MICAL1: variants seen among roughly 807,000 people sequenced by gnomAD.
The protein encoded by MICAL1 is [F-actin]-monooxygenase MICAL1.
A neutral mutation model predicts 131.8 loss-of-function variants in MICAL1; 95 were observed. The observed-to-expected ratio is 0.72, with a 90% CI of 0.61 to 0.86. The LOEUF is 0.86. Ranked by LOEUF, MICAL1 falls within the 40% of genes least tolerant of loss-of-function variation. The probability of loss-of-function intolerance (pLI) is 0.00; values close to 1 mark genes in which losing one functional copy is unlikely to be tolerated. For synonymous variants in MICAL1, 546 were observed against 554.2 expected (o/e 0.99, Z 0.21); for missense variants, 1,292 against 1,380.6 (o/e 0.94, Z 1.02).
intron 6 of MICAL1, chr6:109,452,033 C>CT: frequency 7.1e-7 from 1 of 1,409,362 alleles, no homozygotes; most frequent in Non-Finnish European, 9.2e-7. Context: ...AGGTTCATCT[C>CT]TGAGAGATTC....
intron 1 of MICAL1, chr6:109,462,693 A>G (rs1489848124): frequency 6.6e-6 from 1 of 152,240 alleles, no homozygotes; most frequent in East Asian, 1.9e-4. Context: ...TTCAAGAAGC[A>G]CTGGGCAAGC....
rs1190068261 is a variant in MICAL1, at chr6:109,445,846, C to T, written c.2598G>A (p.Glu866=). 1 of 1,605,822 alleles carries T rather than the reference C, an allele frequency of 6.2e-7. No individual in the cohort carries two copies. The highest frequency in any genetic ancestry group is 8.5e-7 in the Non-Finnish European group (1 of 1,175,970). ...VQSPQALVAM[E]KEEKESPFSS... The stretch of plus-strand genomic sequence containing the variant: ...AGAAGGGACTCTCTTTTTCCTCCTT[C>T]TCCATGGCCACAAGAGCTGAGAAGA... Residue 866 remains glutamate, a synonymous_variant, in exon 20 of 25, where the codon GAG becomes GAA. Coordinates refer to ENST00000358807, the MANE Select transcript of MICAL1 (RefSeq NM_022765.4).
rs1775245493 is a variant in MICAL1, at chr6:109,446,772, C to A, written c.2228G>T (p.Gly743Val). The A allele has an allele frequency of 6.2e-7, 1 of 1,613,068 alleles. No individual in the cohort carries two copies. The highest frequency in any genetic ancestry group is 1.1e-5 in the South Asian group (1 of 90,828). ...CAGGTGCTGGAGGCAGTAGAAATGT[C>A]CTGGAAAGGGTAGAGAGGGGAGGAG... ...PGGYEQHPGD[G>V]HFYCLQHLPQ... is the part of the protein sequence containing the mutation. The change falls in exon 18 of 25, where the codon GGA becomes GTA. Residue 743 changes from glycine to valine, a missense_variant and splice_region_variant. Transcript: ENST00000358807.
rs200968445 is a variant in MICAL1, at chr6:109,449,438, C to A, written c.1478G>T (p.Arg493Met). The change falls in exon 11 of 25, where the codon AGG (arginine) becomes ATG (methionine). Residue 493 changes from arginine to methionine, a missense_variant. Coordinates refer to ENST00000358807, the MANE Select transcript of MICAL1 (RefSeq NM_022765.4). ...CCCTGTATCTGTCTTGTCGTTGTTC[C>A]TCTGCACAGGCTCCTTGGCTAGCAC... is the stretch of plus-strand genomic sequence containing the variant. ...YDVLAKEPVQRNNDKTDTGMP... is the reference protein window; with the variant it reads ...YDVLAKEPVQMNNDKTDTGMP... The A allele has an allele frequency of 6.2e-7, 1 of 1,614,228 alleles. No homozygotes were observed. The highest frequency in any genetic ancestry group is 1.1e-5 in the South Asian group (1 of 91,090).
chr6:109,447,936 G>A lies in MICAL1; in HGVS notation c.1883C>T (p.Thr628Ile). Residue 628 changes from threonine (T) to isoleucine (I), a missense_variant, in exon 14 of 25, where the codon ACC becomes ATC. Coordinates refer to ENST00000358807, the MANE Select transcript of MICAL1 (RefSeq NM_022765.4). ...PGPVSQASPGTSSAVLFLSKL... is the reference protein window; with the variant it reads ...PGPVSQASPGISSAVLFLSKL... ...ACTAAGGAATAATACAGCACTGGAG[G>A]TCCCTGGGGAGGCCTGGCTGACAGG... 6.2e-7 allele frequency: 1 copy of A among 1,612,456 alleles called. No individual in the cohort carries two copies. The highest frequency in any genetic ancestry group is 8.5e-7 in the Non-Finnish European group (1 of 1,179,146).
Position 109,446,291 on chromosome 6 carries a change from G to A in MICAL1, c.2426C>T (p.Ser809Phe). 1 of 1,614,166 alleles carries A rather than the reference G, an allele frequency of 6.2e-7. No individual in the cohort carries two copies. Among genetic ancestry groups the A allele is most frequent in the Non-Finnish European group, 8.5e-7 (1 of 1,180,028 alleles). ...GGACAACCGCTGGCGCTCCGGGCTG[G>A]AGAGGCGGATCTGCCGACGGGTGGG... ...SQPTRRQIRL[S>F]SPERQRLSSL... Residue 809 changes from serine to phenylalanine, a missense_variant, in exon 19 of 25, where the codon TCC becomes TTC. Ser to Phe is a radical substitution (Grantham distance 155). Coordinates refer to ENST00000358807, the MANE Select transcript of MICAL1 (RefSeq NM_022765.4).
At chr6:109,444,864 A>G (rs768901645) in intron 23 of MICAL1, 32 bp downstream of exon 23, 11 of 1,613,674 alleles carry the variant, frequency 6.8e-6, no homozygotes, top group Non-Finnish European at 9.3e-6. Context: ...AGCCTGGCCC[A>G]TGGGCCACTG....
At chr6:109,457,271 A>T (rs985502979), upstream of MICAL1, among the ~76,000 whole-genome samples, 1 of 152,194 alleles carries the variant, frequency 6.6e-6, no homozygotes. Flanking sequence ...GGCCCATCCT[A>T]GCTTTTGAGT....
intron 1 of MICAL1, chr6:109,465,372 A>G: frequency 1.1e-5 from 5 of 453,266 alleles, no homozygotes; most frequent in Non-Finnish European, 2.0e-5. Context: ...GTGATCTGTC[A>G]TATTTAGCCC....
upstream of MICAL1, among the ~76,000 whole-genome samples, chr6:109,457,273 CT>C (rs1372660748): frequency 6.6e-6 from 1 of 152,150 alleles, no homozygotes; most frequent in Non-Finnish European, 1.5e-5. Flanking sequence ...CCCATCCTAG[CT>C]TTTGAGTGTG....
In MICAL1 at chr6:109,445,798, ATCT is replaced by A. The variant is rs541748030; in HGVS notation, c.2643_2645del (p.Glu881del). 1.2e-4 allele frequency: 189 copies of A among 1,611,776 alleles called. No individual in the cohort carries two copies. The East Asian group carries it at 1.2e-3, about 10-fold the overall frequency. ...GTTCCACATCTGAGTCCAAAGGCAC[ATCT>A]TCTTCTTCCTCTTCACTGGAGAAGG... On this transcript the variant is annotated inframe_deletion, in exon 20 of 25. Coordinates refer to ENST00000358807, the MANE Select transcript of MICAL1 (RefSeq NM_022765.4).
Position 109,451,595 on chromosome 6 carries a change from C to T in MICAL1, c.933+5G>A, listed in dbSNP as rs774718279. 5 of 1,613,548 alleles carry T rather than the reference C, an allele frequency of 3.1e-6. No individual in the cohort carries two copies. Among genetic ancestry groups the T allele is most frequent in the Non-Finnish European group, 4.2e-6 (5 of 1,179,916 alleles). On this transcript the variant is annotated splice_donor_5th_base_variant and intron_variant, in intron 7 of 24. Transcript: ENST00000358807. ...CAGCCTCTCCTGGCCAGGACTGGGCCTCACCTGGCGCAGCACCCCCAGCCG... is the reference window on the plus strand; with the variant it reads ...CAGCCTCTCCTGGCCAGGACTGGGCTTCACCTGGCGCAGCACCCCCAGCCG...
At chr6:109,446,566 C>A in intron 18 of MICAL1, 130 bp downstream of exon 18, 1 of 1,340,624 alleles carries the variant, frequency 7.5e-7, no homozygotes, top group Non-Finnish European at 1.1e-6. Context: ...AGCAGACAGG[C>A]ATCCCTGCCT....
chr6:109,446,484 A>G (rs1484876444), intron 18 of MICAL1, 72 bp from the exon 19 acceptor site: 3 of 1,523,466 alleles, frequency 2.0e-6, no homozygotes, highest in Admixed American at 3.4e-5. Context: ...GAGCCTTGGC[A>G]TTCATTCACT....
At chr6:109,450,107 A>G in intron 8 of MICAL1, 22 bp from the exon 9 acceptor site, 1 of 1,608,998 alleles carries the variant, frequency 6.2e-7, no homozygotes, top group Non-Finnish European at 8.5e-7. Flanking sequence ...GAGGAATAGG[A>G]AGCAGCTCAG....
In MICAL1 at chr6:109,447,927, G is replaced by A; in HGVS notation, c.1892C>T (p.Ala631Val). ...CTGAAGTTTACTAAGGAATAATACAGCACTGGAGGTCCCTGGGGAGGCCTG... is the reference window on the plus strand; with the variant it reads ...CTGAAGTTTACTAAGGAATAATACAACACTGGAGGTCCCTGGGGAGGCCTG... The part of the protein sequence containing the change: ...VSQASPGTSS[A>V]VLFLSKLQRT... The change falls in exon 14 of 25, where the codon GCT becomes GTT. Residue 631 changes from alanine to valine, a missense_variant. By Grantham distance (64) the Ala-to-Val change is moderately conservative. Coordinates refer to ENST00000358807, the MANE Select transcript of MICAL1 (RefSeq NM_022765.4). 6.2e-7 allele frequency: 1 copy of A among 1,612,954 alleles called. No homozygotes were observed. The highest frequency in any genetic ancestry group is 8.5e-7 in the Non-Finnish European group (1 of 1,179,400).
rs1246943333 is a variant in MICAL1, at chr6:109,445,203, G to A, written c.2875C>T (p.Gln959Ter). ...GTCCTAGCTTGTCACTCACTGCTCTGGCGCCTCAAGGCCAGCTCCAGCTTC... is the reference window on the plus strand; with the variant it reads ...GTCCTAGCTTGTCACTCACTGCTCTAGCGCCTCAAGGCCAGCTCCAGCTTC... ...GVKLELALRRQSSSPEQQKKL... is the reference protein window; with the variant it reads ...GVKLELALRR Residue 959 changes from glutamine to a stop codon, truncating the protein, a stop_gained, in exon 22 of 25, where the codon CAG becomes TAG. Transcript: ENST00000358807. LOFTEE classifies it high-confidence loss of function. The A allele has an allele frequency of 2.5e-6, 4 of 1,613,098 alleles. No homozygotes were observed. The Admixed American group carries it at 6.7e-5, about 27-fold the overall frequency.
rs1207865306 is a variant in MICAL1, at chr6:109,454,231, G to C, written c.-35C>G. 1.3e-6 allele frequency: 2 copies of C among 1,568,784 alleles called. No individual in the cohort carries two copies. Among genetic ancestry groups the C allele is most frequent in the Non-Finnish European group, 1.7e-6 (2 of 1,156,940 alleles). ...CTGGGGAGGGCAGCAGCTGGGCAGAGATGAGTGGCTGGAGAGGTGGAAAAA... is the reference window on the plus strand; with the variant it reads ...CTGGGGAGGGCAGCAGCTGGGCAGACATGAGTGGCTGGAGAGGTGGAAAAA... On this transcript the variant is annotated 5_prime_UTR_variant, in exon 2 of 25. In the 5' UTR this introduces an upstream ATG that the reference lacks. Coordinates refer to ENST00000358807, the MANE Select transcript of MICAL1 (RefSeq NM_022765.4).
Position 109,446,717 on chromosome 6 carries a change from G to T in MICAL1, c.2283C>A (p.Ser761Arg). The T allele has an allele frequency of 6.2e-7, 1 of 1,613,702 alleles. No individual in the cohort carries two copies. Among genetic ancestry groups the T allele is most frequent in the South Asian group, 1.1e-5 (1 of 90,946 alleles). The change falls in exon 18 of 25, where the codon AGC becomes AGA. Residue 761 changes from serine (S) to arginine (R), a missense_variant. Physicochemically the swap from Ser to Arg is moderately radical, Grantham distance 110. Transcript: ENST00000358807. Reference sequence around the variant, plus strand: ...TTACCGGACTCTCAGGGCCTCTATCGCTGCCTTCCGCTTTGTGGTCTGTCT... The same window carrying T: ...TTACCGGACTCTCAGGGCCTCTATCTCTGCCTTCCGCTTTGTGGTCTGTCT... ...LPQTDHKAEG[S>R]DRGPESPELP...
Sources: allele counts gnomAD v4.1 joint callset (sites outside exome capture counted in the v4.1 genomes callset), GRCh38; gene constraint gnomAD v4.1.1; transcripts MANE v1.5; gene names NCBI Gene and HGNC (gene_info 2026-07-23, HGNC 2026-07-21).